Variants in NTNG1 observed in about 807,000 individuals in gnomAD.
NTNG1 encodes the protein netrin-G1.
NTNG1 carries 16 observed loss-of-function variants against 54.0 expected under a neutral mutation model. That is an observed-to-expected ratio of 0.30 (90% confidence interval 0.20 to 0.45). The LOEUF (loss-of-function observed/expected upper bound fraction) is 0.45. NTNG1 is among the 20% of genes least tolerant of loss of function. The pLI is 1.00. For missense variants in NTNG1, 530 were observed against 678.7 expected, an observed-to-expected ratio of 0.78 and a Z score of 2.43; for synonymous variants, 255 against 263.1, an observed-to-expected ratio of 0.97 and a Z score of 0.30.
intron 2 of NTNG1, among the ~76,000 whole-genome samples, chr1:107,224,398 C>T (rs947720300): frequency 6.6e-6 from 1 of 152,100 alleles, no homozygotes; most frequent in Non-Finnish European, 1.5e-5. Context: ...AAAATTGGTG[C>T]TTATCTGGAC....
At chr1:107,186,147 T>C (rs1457596247) in intron 2 of NTNG1, among the ~76,000 whole-genome samples, 1 of 152,146 alleles carries the variant, frequency 6.6e-6, no homozygotes, top group Non-Finnish European at 1.5e-5. Context: ...TTATTTCACT[T>C]AGGATAATGG....
intron 2 of NTNG1, among the ~76,000 whole-genome samples, chr1:107,217,989 A>G (rs114570444): frequency 0.023 from 3,448 of 152,112 alleles, 129 homozygotes; most frequent in African/African-American, 0.079. Context: ...GTTTAATTCA[A>G]TTGTTTTGTT....
intron 5 of NTNG1, among the ~76,000 whole-genome samples, chr1:107,423,394 G>A (rs1051325129): frequency 1.3e-5 from 2 of 151,978 alleles, no homozygotes; most frequent in Admixed American, 6.6e-5. Context: ...CATCTGAAAA[G>A]CCTACAATGC....
At chr1:107,420,492 G>C (rs1001036597) in intron 5 of NTNG1, among the ~76,000 whole-genome samples, 3 of 152,024 alleles carry the variant, frequency 2.0e-5, no homozygotes, top group Admixed American at 6.6e-5. Flanking sequence ...CAAACATAGA[G>C]AGAAATCTCT....
chr1:107,237,372 G>A (rs1661482592), intron 2 of NTNG1, among the ~76,000 whole-genome samples: 1 of 152,136 alleles, frequency 6.6e-6, no homozygotes, highest in African/African-American at 2.4e-5. Flanking sequence ...TATAAAGAAA[G>A]CAGAGCATAA....
At chr1:107,416,293 C>A (rs894360740) in intron 5 of NTNG1, among the ~76,000 whole-genome samples, 7 of 151,760 alleles carry the variant, frequency 4.6e-5, no homozygotes. Flanking sequence ...GTTAGGCATT[C>A]TACATAATGA....
At position 107,333,613 on chromosome 1, in the gene NTNG1, T is replaced by C. The variant is rs1312892499; in HGVS notation, c.887+8691T>C. Among the ~76,000 whole-genome samples the C allele has an allele frequency of 5.4e-5, 8 of 148,098 alleles. No individual in the cohort carries two copies. The South Asian group carries it at 1.3e-3, about 24-fold the overall frequency. ...CAACATTGTTGGACTCTTTGTAAGA[T>C]TGAAGGAAATACATGAAAACATCGT... is the stretch of plus-strand genomic sequence containing the variant. On this transcript the variant is annotated intron_variant, in intron 3 of 7. Coordinates refer to ENST00000370068, the MANE Select transcript of NTNG1 (RefSeq NM_001113226.3).
chr1:107,322,059 T>TA (rs1420994709), intron 2 of NTNG1, among the ~76,000 whole-genome samples: 1 of 152,206 alleles, frequency 6.6e-6, no homozygotes, highest in Non-Finnish European at 1.5e-5. Context: ...CAAGACTTTA[T>TA]ATTAAGTATA....
rs1289059236 is a variant in NTNG1 at position 107,148,573 on chromosome 1, A to C, written c.-21A>C. 3 of 1,610,046 alleles carry C rather than the reference A, an allele frequency of 1.9e-6. No homozygotes were observed. Among genetic ancestry groups the C allele is most frequent in the Non-Finnish European group, 2.5e-6 (3 of 1,177,154 alleles). Reference sequence around the variant, plus strand: ...AGCAAGCTCTGCTTTAGTTTCCAAGAAGATTACAAAGAATTTAGAGATGTA... The same window carrying C: ...AGCAAGCTCTGCTTTAGTTTCCAAGCAGATTACAAAGAATTTAGAGATGTA... On this transcript the variant is annotated 5_prime_UTR_variant, in exon 2 of 8. Transcript: ENST00000370068.
At position 107,484,149 on chromosome 1, in the gene NTNG1, G is replaced by A. The variant is rs1003539525; in HGVS notation, c.*3309G>A. On this transcript the variant is annotated 3_prime_UTR_variant, in exon 8 of 8. Coordinates refer to ENST00000370068, the MANE Select transcript of NTNG1 (RefSeq NM_001113226.3). ...ACCTGGGCACAGGGAGTGGCAAAGG[G>A]TGCATCTGTGTGGATGGATTAGGCC... 5.9e-5 allele frequency among the ~76,000 whole-genome samples: 9 copies of A among 152,176 alleles called. No individual in the cohort carries two copies. Among genetic ancestry groups the A allele is most frequent in the African/African-American group, 2.2e-4 (9 of 41,438 alleles).
rs369825843 is a variant in NTNG1 at position 107,211,211 on chromosome 1, C to T, written c.246+62372C>T. On this transcript the variant is annotated intron_variant, in intron 2 of 7. Coordinates refer to ENST00000370068, the MANE Select transcript of NTNG1 (RefSeq NM_001113226.3). ...ATAAGTCAGTTATACATGTTCTTCA[C>T]GTCTCCTGGAATCTTTCTCCACCTC... Among the ~76,000 whole-genome samples, 11 of 152,214 alleles carry T rather than the reference C, an allele frequency of 7.2e-5. No individual in the cohort carries two copies. In the East Asian group the frequency reaches 9.7e-4, roughly 13 times the overall value.
chr1:107,449,981 T>C (rs1676526183), intron 7 of NTNG1, among the ~76,000 whole-genome samples: 1 of 152,064 alleles, frequency 6.6e-6, no homozygotes, highest in South Asian at 2.1e-4. Flanking sequence ...TCTAGACAGG[T>C]AGAAAGCAAG....
intron 7 of NTNG1, among the ~76,000 whole-genome samples, chr1:107,453,283 A>C (rs1248770267): frequency 6.6e-6 from 1 of 152,222 alleles, no homozygotes; most frequent in African/African-American, 2.4e-5. Context: ...TCAAGAAGGC[A>C]AAGCACCACC....
At chr1:107,425,229 T>G (rs1467997349) in intron 5 of NTNG1, among the ~76,000 whole-genome samples, 3 of 152,092 alleles carry the variant, frequency 2.0e-5, no homozygotes, top group Admixed American at 2.0e-4. Context: ...TGCTTGTGTG[T>G]TTCATGGATA....
chr1:107,415,760 T>C (rs1340963837), intron 5 of NTNG1, among the ~76,000 whole-genome samples: 1 of 152,144 alleles, frequency 6.6e-6, no homozygotes, highest in Non-Finnish European at 1.5e-5. Flanking sequence ...TTGCTGAGAA[T>C]TTTTCTCACT....
rs1196709320 is a variant in NTNG1, at chr1:107,300,258, C to G, written c.247-24024C>G. Among the ~76,000 whole-genome samples, 6 of 152,264 alleles carry G rather than the reference C, an allele frequency of 3.9e-5. No homozygotes were observed. In the East Asian group the frequency reaches 9.6e-4, roughly 24 times the overall value. The stretch of plus-strand genomic sequence containing the variant: ...ATTTTGCCTATAGATGTGGTTGGCT[C>G]GTCACATGCCACGTTTTCTTTAAAA... On this transcript the variant is annotated intron_variant, in intron 2 of 7. Coordinates refer to ENST00000370068, the MANE Select transcript of NTNG1 (RefSeq NM_001113226.3).
intron 2 of NTNG1, among the ~76,000 whole-genome samples, chr1:107,202,865 T>C (rs1362957629): frequency 1.3e-5 from 2 of 151,944 alleles, no homozygotes; most frequent in Non-Finnish European, 2.9e-5. Flanking sequence ...CTCAAAAGTT[T>C]TCCCTTTTTC....
chr1:107,246,741 A>G (rs1467586331), intron 2 of NTNG1, among the ~76,000 whole-genome samples: 2 of 152,236 alleles, frequency 1.3e-5, no homozygotes, highest in Admixed American at 1.3e-4. Flanking sequence ...TAAATATAAT[A>G]GGAAAACTGA....
chr1:107,463,821 A>C (rs1029863140), intron 7 of NTNG1, among the ~76,000 whole-genome samples: 1 of 152,136 alleles, frequency 6.6e-6, no homozygotes, highest in Non-Finnish European at 1.5e-5. Flanking sequence ...TCTTCATATC[A>C]ACAGTGACCC....
Sources: gnomAD v4.1 joint callset for allele counts (sites outside exome capture counted in the v4.1 genomes callset) on GRCh38, gnomAD v4.1.1 for gene constraint, MANE v1.5 for transcripts, NCBI Gene and HGNC (gene_info 2026-07-23, HGNC 2026-07-21) for gene names.